Variants in RAP1GAP2 observed in about 807,000 individuals in gnomAD.
RAP1GAP2 encodes the protein RAP1 GTPase activating protein 2, also known as rap1 GTPase-activating protein 2.
A neutral mutation model predicts 95.0 loss-of-function variants in RAP1GAP2; 27 were observed. The ratio of observed to expected loss-of-function variants is 0.28; its 90% CI spans 0.21 to 0.39. The LOEUF (loss-of-function observed/expected upper bound fraction) is 0.39, where lower values mean the gene tolerates loss of function less well. Among genes scored for constraint, RAP1GAP2 ranks in the 10% least tolerant of loss-of-function variants. The pLI is 1.00. For synonymous variants in RAP1GAP2, 373 were observed against 380.9 expected, an observed-to-expected ratio of 0.98 and a Z score of 0.24; for missense variants, 771 against 970.0, an observed-to-expected ratio of 0.79 and a Z score of 2.72.
intron 19 of RAP1GAP2, among the ~76,000 whole-genome samples, chr17:3,025,191 A>G (rs1343477752): frequency 1.3e-5 from 2 of 152,186 alleles, no homozygotes; most frequent in Non-Finnish European, 2.9e-5. Context: ...AGCTTGGCCA[A>G]TGCAATGAAA....
chr17:2,973,364 A>G (rs2044954791), intron 8 of RAP1GAP2, among the ~76,000 whole-genome samples: 1 of 151,998 alleles, frequency 6.6e-6, no homozygotes, highest in African/African-American at 2.4e-5. Flanking sequence ...AAAAATACAA[A>G]AACTAGCCAG....
chr17:3,031,778 C>T (rs370815110), intron 23 of RAP1GAP2, among the ~76,000 whole-genome samples: 14 of 148,384 alleles, frequency 9.4e-5, no homozygotes, highest in South Asian at 4.4e-4. Context: ...TCGAGAGCTC[C>T]AGGTCCAGAT....
intron 17 of RAP1GAP2, among the ~76,000 whole-genome samples, chr17:3,014,218 A>G (rs930159282): frequency 2.7e-5 from 4 of 150,838 alleles, no homozygotes; most frequent in Non-Finnish European, 5.9e-5. Context: ...ACAGACCTGG[A>G]TGGTCGAGCC....
At chr17:2,794,089 CAAAAAAA>C (rs397700707), upstream of RAP1GAP2, among the ~76,000 whole-genome samples, 42 of 82,442 alleles carry the variant, frequency 5.1e-4, no homozygotes, top group South Asian at 0.017. Context: ...CGAGACTCTT[CAAAAAAA>C]AAAAAAAAAA....
chr17:2,899,246 C>G (rs1384053323), intron 2 of RAP1GAP2, among the ~76,000 whole-genome samples: 3 of 152,106 alleles, frequency 2.0e-5, no homozygotes, highest in Non-Finnish European at 4.4e-5. Flanking sequence ...ACTCTGTCAC[C>G]CAGGCTGGAG....
intron 2 of RAP1GAP2, among the ~76,000 whole-genome samples, chr17:2,823,552 C>T (rs1360871176): frequency 6.6e-6 from 1 of 152,160 alleles, no homozygotes; most frequent in East Asian, 1.9e-4. Flanking sequence ...TGGAGGTGGT[C>T]CTGGACGCAT....
At position 2,857,456 on chromosome 17, in the gene RAP1GAP2, T is replaced by A. The variant is rs966022414; in HGVS notation, c.81-47828T>A. On this transcript the variant is annotated intron_variant, in intron 2 of 24. Coordinates refer to ENST00000254695, the MANE Select transcript of RAP1GAP2 (RefSeq NM_015085.5). The surrounding 1 kb of genome is among the most constrained non-coding windows in gnomAD (Gnocchi z 4.0). ...AAGAACTGTGCTCCAGGCTCCAACT[T>A]CAATTTCCGTTTTCGAGAAATGGGC... 1.3e-5 allele frequency among the ~76,000 whole-genome samples: 2 copies of A among 152,180 alleles called. No individual in the cohort carries two copies. Among genetic ancestry groups the A allele is most frequent in the African/African-American group, 4.8e-5 (2 of 41,430 alleles).
chr17:2,786,073 G>A (rs548521570), intron 1 of RAP1GAP2, among the ~76,000 whole-genome samples: 59 of 151,992 alleles, frequency 3.9e-4, no homozygotes, highest in Middle Eastern at 3.4e-3. Flanking sequence ...GGCTAATTTT[G>A]TATTTTTAGG....
At chr17:2,806,323 G>C (rs1293221848) in intron 2 of RAP1GAP2, among the ~76,000 whole-genome samples, 1 of 152,070 alleles carries the variant, frequency 6.6e-6, no homozygotes, top group Non-Finnish European at 1.5e-5. Flanking sequence ...TTGTCCATGA[G>C]AGCAGGGGCT....
At chr17:2,972,654 CA>C (rs1567842158) in intron 8 of RAP1GAP2, among the ~76,000 whole-genome samples, 1 of 137,898 alleles carries the variant, frequency 7.3e-6, no homozygotes, top group Non-Finnish European at 1.6e-5. Flanking sequence ...AAATGAGATG[CA>C]AAAAAAGGGT....
chr17:2,849,966 C>T (rs1181581614), intron 2 of RAP1GAP2, among the ~76,000 whole-genome samples: 3 of 149,654 alleles, frequency 2.0e-5, no homozygotes, highest in South Asian at 4.2e-4. Flanking sequence ...CTTGGTTTGG[C>T]GCAGGTGTGT....
intron 3 of RAP1GAP2, among the ~76,000 whole-genome samples, chr17:2,915,691 A>T (rs1366939437): frequency 1.3e-5 from 2 of 151,780 alleles, no homozygotes; most frequent in African/African-American, 2.4e-5. Context: ...ATTCTTTTAG[A>T]AGCTTTATTT....
intron 17 of RAP1GAP2, among the ~76,000 whole-genome samples, chr17:3,013,627 C>CTTTTTTTTT (rs71377568): frequency 2.0e-4 from 16 of 78,918 alleles, no homozygotes; most frequent in Non-Finnish European, 2.4e-4. Context: ...CTTTTCTTTT[C>CTTTTTTTTT]TTTTCTTTTT....
At chr17:2,819,644 T>C (rs1038471786) in intron 2 of RAP1GAP2, among the ~76,000 whole-genome samples, 1 of 151,960 alleles carries the variant, frequency 6.6e-6, no homozygotes, top group African/African-American at 2.4e-5. Context: ...CAGCTAATTT[T>C]TGTGTTTTTG....
At chr17:3,017,589 G>C (rs2046810551) in intron 17 of RAP1GAP2, among the ~76,000 whole-genome samples, 1 of 152,204 alleles carries the variant, frequency 6.6e-6, no homozygotes, top group African/African-American at 2.4e-5. Context: ...GAGTCAACTT[G>C]TGGTCAGACA....
chr17:3,020,442 G>A, intron 18 of RAP1GAP2, 35 bp from the exon 19 acceptor site: 1 of 1,560,872 alleles, frequency 6.4e-7, no homozygotes, highest in Non-Finnish European at 8.8e-7. Flanking sequence ...CGGTGTTTGG[G>A]CCGGGAGCAC....
At chr17:2,864,058 A>G (rs1377246033) in intron 2 of RAP1GAP2, among the ~76,000 whole-genome samples, 3 of 132,846 alleles carry the variant, frequency 2.3e-5, no homozygotes, top group African/African-American at 6.0e-5. Flanking sequence ...GTCCCCCTCA[A>G]AAAAAAAAAA....
In RAP1GAP2 at chr17:2,965,762, G is replaced by A; in HGVS notation, c.596+119G>A. The A allele has an allele frequency of 1.3e-6, 1 of 760,056 alleles. No individual in the cohort carries two copies. 47.1% of individuals were successfully genotyped at this position (760,056 alleles called of 1,614,324 possible). A position where few individuals can be genotyped will look rare whatever the true frequency, so the allele number is the denominator to read the frequency against. ...TGACCAGTCTGGTCTGGGTGCACTG[G>A]CTGACGGGGACAGGCCTGCTGGAAT... On this transcript the variant is annotated intron_variant, in intron 8 of 24. Coordinates refer to ENST00000254695, the MANE Select transcript of RAP1GAP2 (RefSeq NM_015085.5). The surrounding 1 kb of genome is among the most constrained non-coding windows in gnomAD (Gnocchi z 4.7).
chr17:2,981,975 G>C (rs920867958), intron 10 of RAP1GAP2, among the ~76,000 whole-genome samples: 3 of 152,340 alleles, frequency 2.0e-5, no homozygotes, highest in Non-Finnish European at 4.4e-5. Flanking sequence ...AAGCAGAGCT[G>C]TGCTTCTGAG....
Sources: gnomAD v4.1 joint callset for allele counts (sites outside exome capture counted in the v4.1 genomes callset) on GRCh38, gnomAD v4.1.1 for gene constraint, Gnocchi (gnomAD v3.1) non-coding constraint, MANE v1.5 for transcripts, NCBI Gene and HGNC (gene_info 2026-07-23, HGNC 2026-07-21) for gene names.